Variants in RGS7 observed in about 807,000 individuals in gnomAD.
RGS7 encodes regulator of G protein signaling 7, also known as regulator of G-protein signaling 7.
RGS7 carries 27 observed loss-of-function variants against 81.1 expected under a neutral mutation model. The ratio of observed to expected loss-of-function variants is 0.33; its 90% CI spans 0.25 to 0.46. The LOEUF (loss-of-function observed/expected upper bound fraction) is 0.46. Ranked by LOEUF, RGS7 falls within the 20% of genes least tolerant of loss-of-function variation. RGS7 has a pLI of 1.00. For synonymous variants in RGS7, 208 were observed against 207.7 expected, an observed-to-expected ratio of 1.00 and a Z score of -0.01; for missense variants, 396 against 607.4, an observed-to-expected ratio of 0.65 and a Z score of 3.66.
chr1:241,216,408 A>C (rs569533863), intron 2 of RGS7, among the ~76,000 whole-genome samples: 90 of 152,338 alleles, frequency 5.9e-4, no homozygotes, highest in African/African-American at 2.1e-3. Flanking sequence ...TAAGTTTTTA[A>C]ACAGTGTTCA....
At chr1:241,205,953 G>C (rs2686214) in intron 2 of RGS7, among the ~76,000 whole-genome samples, 148,919 of 152,182 alleles carry the variant, frequency 0.98, 72,864 homozygotes, top group East Asian at 1. Flanking sequence ...GTTTGTTACT[G>C]AAGCCAAAAA....
At chr1:240,799,826 G>T (rs1020743628) in intron 18 of RGS7, among the ~76,000 whole-genome samples, 8 of 152,160 alleles carry the variant, frequency 5.3e-5, no homozygotes, top group Non-Finnish European at 7.4e-5. Flanking sequence ...TGTGAATTTT[G>T]ATTGAAGGTG....
At chr1:241,008,125 C>T (rs1291713809) in intron 3 of RGS7, among the ~76,000 whole-genome samples, 1 of 151,744 alleles carries the variant, frequency 6.6e-6, no homozygotes, top group East Asian at 1.9e-4. Flanking sequence ...AAAAGACAAA[C>T]AAACAAACAA....
At chr1:241,247,701 TA>T (rs538409802) in intron 2 of RGS7, among the ~76,000 whole-genome samples, 71 of 144,362 alleles carry the variant, frequency 4.9e-4, no homozygotes, top group South Asian at 6.6e-4. Flanking sequence ...TTTTCTCAAC[TA>T]AAAAAAAAAA....
intron 9 of RGS7, among the ~76,000 whole-genome samples, chr1:240,835,236 C>T (rs377451685): frequency 1.3e-4 from 20 of 152,162 alleles, no homozygotes; most frequent in Admixed American, 7.2e-4. Context: ...ACTCTTAAAA[C>T]CCAACAATAA....
chr1:241,046,740 C>G (rs2060950274), intron 3 of RGS7, among the ~76,000 whole-genome samples: 2 of 152,146 alleles, frequency 1.3e-5, no homozygotes, highest in African/African-American at 2.4e-5. Context: ...GATAAATTCT[C>G]CCTTAAAGGG....
intron 4 of RGS7, among the ~76,000 whole-genome samples, chr1:240,977,346 T>C (rs1347199332): frequency 1.3e-5 from 2 of 152,216 alleles, no homozygotes; most frequent in Admixed American, 1.3e-4. Context: ...CTAATGCAAT[T>C]TATTCTGTGT....
intron 3 of RGS7, among the ~76,000 whole-genome samples, chr1:241,056,614 G>T (rs2061491537): frequency 6.6e-6 from 1 of 152,076 alleles, no homozygotes; most frequent in Non-Finnish European, 1.5e-5. Context: ...GGAAACCTTT[G>T]GTCTCTCCTG....
chr1:240,842,199 A>ATTTTTTTT lies in RGS7; in HGVS notation c.610-15035_610-15028dup, dbSNP rs568381066. On this transcript the variant is annotated intron_variant, in intron 9 of 18. Transcript: ENST00000440928. The stretch of plus-strand genomic sequence containing the variant: ...TGATTTCAGATTATGTTTGTCAGGA[A>ATTTTTTTT]TTTTTTTTTTTTTTTTTGAGACAGA... Among the ~76,000 whole-genome samples, 42 of 78,704 alleles carry ATTTTTTTT rather than the reference A, an allele frequency of 5.3e-4. 5 individuals carry two copies. The highest frequency in any genetic ancestry group is 2.2e-3 in the Admixed American group (14 of 6,288). The allele number at this position is 78,704 out of a possible 152,430, so 51.6% of individuals were successfully genotyped here.
chr1:240,881,757 GT>G (rs1438476721), intron 6 of RGS7, among the ~76,000 whole-genome samples: 1 of 151,918 alleles, frequency 6.6e-6, no homozygotes, highest in Non-Finnish European at 1.5e-5. Flanking sequence ...TATAAAATTT[GT>G]TTTTAATTAT....
intron 4 of RGS7, among the ~76,000 whole-genome samples, chr1:240,969,300 A>G (rs1682834017): frequency 6.6e-6 from 1 of 152,238 alleles, no homozygotes; most frequent in African/African-American, 2.4e-5. Context: ...GTGAGGCTCT[A>G]AAAAGAAGAA....
intron 2 of RGS7, among the ~76,000 whole-genome samples, chr1:241,207,339 T>A (rs2073977042): frequency 9.8e-6 from 1 of 101,672 alleles, no homozygotes; most frequent in Non-Finnish European, 2.4e-5. Context: ...GAGTATGCAC[T>A]TTAAAATGCA....
intron 4 of RGS7, among the ~76,000 whole-genome samples, chr1:240,963,049 A>G (rs1181777301): frequency 6.6e-6 from 1 of 152,170 alleles, no homozygotes; most frequent in Non-Finnish European, 1.5e-5. Flanking sequence ...AGTGAAATGA[A>G]TTGACTGGTG....
At chr1:240,970,255 T>C (rs1287277133) in intron 4 of RGS7, among the ~76,000 whole-genome samples, 1 of 152,180 alleles carries the variant, frequency 6.6e-6, no homozygotes, top group East Asian at 1.9e-4. Context: ...ACGGGAAAGA[T>C]GGTCTGAAAT....
chr1:241,304,100 T>C (rs1299319954), intron 2 of RGS7, among the ~76,000 whole-genome samples: 1 of 152,232 alleles, frequency 6.6e-6, no homozygotes, highest in Non-Finnish European at 1.5e-5. Flanking sequence ...ACACTTTATT[T>C]TATTAATTTT....
chr1:241,224,716 G>A (rs192467160), intron 2 of RGS7, among the ~76,000 whole-genome samples: 11 of 152,216 alleles, frequency 7.2e-5, no homozygotes, highest in African/African-American at 2.4e-4. Context: ...GAGACAGCAC[G>A]AAGGCCCATG....
intron 2 of RGS7, among the ~76,000 whole-genome samples, chr1:241,303,614 A>C (rs553233023): frequency 6.6e-6 from 1 of 152,120 alleles, no homozygotes; most frequent in Non-Finnish European, 1.5e-5. Context: ...TTCAGTTTGT[A>C]TGTCTGAATA....
At chr1:240,830,473 T>C (rs1198186438) in intron 9 of RGS7, among the ~76,000 whole-genome samples, 1 of 152,126 alleles carries the variant, frequency 6.6e-6, no homozygotes, top group Admixed American at 6.6e-5. Flanking sequence ...CACAAGACTG[T>C]AAAAACAAAA....
chr1:240,933,101 C>T lies in RGS7; in HGVS notation c.334-2333G>A, dbSNP rs532084222. 9.2e-4 allele frequency among the ~76,000 whole-genome samples: 138 copies of T among 150,220 alleles called. 1 individual carries two copies. Among genetic ancestry groups the T allele is most frequent in the Admixed American group, 4.6e-4 (7 of 15,092 alleles). On this transcript the variant is annotated intron_variant, in intron 5 of 18. Transcript: ENST00000440928. ...GTTTCACCGTGTTAGCCAGGATGGT[C>T]TCCATCTCCTGACCTCGTGATCTGC...
Sources: gnomAD v4.1 joint callset for allele counts (sites outside exome capture counted in the v4.1 genomes callset) on GRCh38, gnomAD v4.1.1 for gene constraint, MANE v1.5 for transcripts, NCBI Gene and HGNC (gene_info 2026-07-23, HGNC 2026-07-21) for gene names.